The following DCAF6 variants were observed in gnomAD, a reference collection of about 807,000 sequenced individuals.
DCAF6 encodes the protein DDB1- and CUL4-associated factor 6.
Under a neutral mutation model 125.1 loss-of-function variants are expected in DCAF6, and 54 were observed. That is an observed-to-expected ratio of 0.43 (90% CI 0.35 to 0.54). The LOEUF (loss-of-function observed/expected upper bound fraction) is 0.54, where lower values mean the gene tolerates loss of function less well. Among genes scored for constraint, DCAF6 ranks in the 20% least tolerant of loss-of-function variants. The pLI, the probability that DCAF6 is intolerant of heterozygous loss-of-function variation, is 0.01. For missense variants in DCAF6, 934 were observed against 1,161.7 expected (o/e 0.80, Z 2.85); for synonymous variants, 371 against 390.4 (o/e 0.95, Z 0.58).
chr1:167,925,851 A>T, the DCAF6 span, among the ~76,000 whole-genome samples: 1 of 152,154 alleles, frequency 6.6e-6, no homozygotes, highest in Non-Finnish European at 1.5e-5. Context: ...CCGGCCACAA[A>T]TAACTTTTAA....
At chr1:167,873,291 T>A in the DCAF6 span, among the ~76,000 whole-genome samples, 1 of 152,142 alleles carries the variant, frequency 6.6e-6, no homozygotes, top group Non-Finnish European at 1.5e-5. Context: ...GTGATTGGCT[T>A]GAAGACCCTG....
chr1:168,018,069 A>G (rs1315811036), intron 11 of DCAF6, among the ~76,000 whole-genome samples: 1 of 152,236 alleles, frequency 6.6e-6, no homozygotes, highest in African/African-American at 2.4e-5. Flanking sequence ...TTCAAAATAT[A>G]TAGAACTCAT....
chr1:168,065,078 CA>C, intron 18 of DCAF6, among the ~76,000 whole-genome samples: 1 of 152,220 alleles, frequency 6.6e-6, no homozygotes, highest in Non-Finnish European at 1.5e-5. Context: ...GAAAGTTCAG[CA>C]ACATATATGT....
intron 16 of DCAF6, among the ~76,000 whole-genome samples, chr1:168,046,139 C>T (rs559633788): frequency 6.6e-6 from 1 of 152,146 alleles, no homozygotes; most frequent in East Asian, 1.9e-4. Context: ...TCACCACTTA[C>T]CAGCAGTGTT....
intron 21 of DCAF6, among the ~76,000 whole-genome samples, chr1:168,072,669 T>G (rs1439315587): frequency 6.6e-6 from 1 of 152,190 alleles, no homozygotes; most frequent in African/African-American, 2.4e-5. Context: ...AGTACACATC[T>G]AGTATCAAAT....
intron 5 of DCAF6, among the ~76,000 whole-genome samples, chr1:167,989,558 G>A (rs188378591): frequency 3.9e-4 from 60 of 152,270 alleles, no homozygotes; most frequent in Non-Finnish European, 7.3e-4. Context: ...ATTAGTAATT[G>A]AACAAAGTAT....
the DCAF6 span, among the ~76,000 whole-genome samples, chr1:167,912,799 T>C: frequency 1.3e-5 from 2 of 152,252 alleles, no homozygotes; most frequent in Non-Finnish European, 2.9e-5. Flanking sequence ...ATCGGAGCCG[T>C]ATCAATTCTA....
At chr1:168,030,921 T>A (rs1687006650) in intron 12 of DCAF6, among the ~76,000 whole-genome samples, 3 of 152,232 alleles carry the variant, frequency 2.0e-5, no homozygotes, top group Admixed American at 2.0e-4. Context: ...AGTGAATGGC[T>A]ATTTTCTTAA....
At chr1:167,874,331 AAAAT>A in the DCAF6 span, among the ~76,000 whole-genome samples, 3 of 152,108 alleles carry the variant, frequency 2.0e-5, no homozygotes, top group African/African-American at 2.4e-5. Flanking sequence ...ACTCTGTCTC[AAAAT>A]AAATAAATAA....
chr1:168,012,226 ATGTAT>A (rs1684399202), intron 10 of DCAF6, among the ~76,000 whole-genome samples: 1 of 152,204 alleles, frequency 6.6e-6, no homozygotes. Context: ...AAAATACTGT[ATGTAT>A]TGTAGAGGCA....
At chr1:167,941,510 A>G (rs991995915) in intron 1 of DCAF6, among the ~76,000 whole-genome samples, 4 of 152,236 alleles carry the variant, frequency 2.6e-5, no homozygotes, top group Admixed American at 2.6e-4. Context: ...GATATACACA[A>G]CGAAAATAAA....
the DCAF6 span, chr1:167,883,715 C>G: frequency 1.6e-6 from 2 of 1,242,372 alleles, no homozygotes; most frequent in Non-Finnish European, 2.4e-6. Context: ...CCGAAATCAT[C>G]TAGGGAATGT....
At chr1:167,901,602 C>A in the DCAF6 span, 4 of 1,527,690 alleles carry the variant, frequency 2.6e-6, no homozygotes, top group Admixed American at 3.3e-5. Flanking sequence ...GAGAGAGATG[C>A]CCCAGGAGTC....
rs976503389 is a variant in DCAF6 at position 167,964,951 on chromosome 1, A to G, written c.160-1678A>G. Reference sequence around the variant, plus strand: ...GCCCATCTCTTCTTACATGCTGTCTACTTTATCCATTGGAACTCTTAGCAT... The same window carrying G: ...GCCCATCTCTTCTTACATGCTGTCTGCTTTATCCATTGGAACTCTTAGCAT... On this transcript the variant is annotated intron_variant, in intron 2 of 21. Transcript: ENST00000367840. Among the ~76,000 whole-genome samples, 57 of 152,088 alleles carry G rather than the reference A, an allele frequency of 3.7e-4. 1 individual carries two copies. Among genetic ancestry groups the G allele is most frequent in the Admixed American group, 3.7e-3 (57 of 15,262 alleles).
At chr1:167,925,450 T>TAC in the DCAF6 span, among the ~76,000 whole-genome samples, 2 of 107,812 alleles carry the variant, frequency 1.9e-5, no homozygotes, top group Non-Finnish European at 3.7e-5. Context: ...CACATATATA[T>TAC]ATATATATAT....
the DCAF6 span, among the ~76,000 whole-genome samples, chr1:167,885,156 A>ATATG: frequency 6.6e-6 from 1 of 152,202 alleles, no homozygotes; most frequent in Non-Finnish European, 1.5e-5. Context: ...TTCGTTGTGT[A>ATATG]TATGTACCAC....
the DCAF6 span, chr1:167,870,333 A>G: frequency 6.2e-7 from 1 of 1,614,036 alleles, no homozygotes; most frequent in Non-Finnish European, 8.5e-7. Flanking sequence ...AATCCCTCAT[A>G]CATTAAGACT....
At chr1:167,942,637 T>G (rs1292563854) in intron 1 of DCAF6, among the ~76,000 whole-genome samples, 1 of 151,522 alleles carries the variant, frequency 6.6e-6, no homozygotes, top group Admixed American at 6.6e-5. Flanking sequence ...AGATTTTTAC[T>G]TTTTTTTTCC....
chr1:167,976,674 G>A (rs1048694840), intron 4 of DCAF6, among the ~76,000 whole-genome samples: 9 of 151,938 alleles, frequency 5.9e-5, no homozygotes, highest in Admixed American at 1.3e-4. Context: ...AAGGAACTTG[G>A]AACATACCTT....
Sources: gnomAD v4.1 joint callset for allele counts (sites outside exome capture counted in the v4.1 genomes callset) on GRCh38, gnomAD v4.1.1 for gene constraint, MANE v1.5 for transcripts, NCBI Gene and HGNC (gene_info 2026-07-23, HGNC 2026-07-21) for gene names.